Variants in MLLT3 observed in about 807,000 individuals in gnomAD.
MLLT3 encodes protein AF-9.
MLLT3 carries 4 observed loss-of-function variants against 53.2 expected under a neutral mutation model. The ratio of observed to expected loss-of-function variants is 0.08; its 90% confidence interval spans 0.04 to 0.17. The LOEUF (loss-of-function observed/expected upper bound fraction) is 0.17. Ranked by LOEUF, MLLT3 falls within the 10% of genes least tolerant of loss-of-function variation. The pLI is 1.00. For missense variants in MLLT3, 569 were observed against 684.0 expected (o/e 0.83, Z 1.87); for synonymous variants, 283 against 230.6 (o/e 1.23, Z -2.06).
At chr9:20,580,801 T>G (rs1049475836) in intron 2 of MLLT3, among the ~76,000 whole-genome samples, 1 of 152,252 alleles carries the variant, frequency 6.6e-6, no homozygotes, top group Non-Finnish European at 1.5e-5. Context: ...AGCATTCTAA[T>G]CATACACAGC....
intron 2 of MLLT3, among the ~76,000 whole-genome samples, chr9:20,610,885 G>C (rs945655439): frequency 1.3e-5 from 2 of 151,990 alleles, no homozygotes; most frequent in African/African-American, 4.8e-5. Context: ...TCTTGAACTG[G>C]GTCAACATTT....
chr9:20,526,564 T>C (rs1818209956), intron 2 of MLLT3, among the ~76,000 whole-genome samples: 1 of 152,200 alleles, frequency 6.6e-6, no homozygotes, highest in South Asian at 2.1e-4. Flanking sequence ...ATGTAGATCA[T>C]TCTGTTGTAG....
intron 5 of MLLT3, among the ~76,000 whole-genome samples, chr9:20,388,998 G>A (rs1321665436): frequency 1.3e-5 from 2 of 152,158 alleles, no homozygotes; most frequent in Non-Finnish European, 2.9e-5. Context: ...AGTAGGATCA[G>A]AAAGTAATGT....
At chr9:20,596,810 T>C (rs1820281342) in intron 2 of MLLT3, among the ~76,000 whole-genome samples, 1 of 152,226 alleles carries the variant, frequency 6.6e-6, no homozygotes, top group Non-Finnish European at 1.5e-5. Context: ...TTAAATCAGC[T>C]TGTCAATTTA....
At chr9:20,506,295 C>A (rs775072246) in intron 2 of MLLT3, among the ~76,000 whole-genome samples, 1 of 152,126 alleles carries the variant, frequency 6.6e-6, no homozygotes, top group African/African-American at 2.4e-5. Context: ...CCCACCTCAG[C>A]CTCCCGAAGT....
intron 2 of MLLT3, among the ~76,000 whole-genome samples, chr9:20,610,705 G>T (rs1020504458): frequency 2.0e-5 from 3 of 152,094 alleles, no homozygotes; most frequent in Admixed American, 6.6e-5. Context: ...AACACAGGAG[G>T]AAAAAGAGAT....
At chr9:20,563,465 T>G (rs566338571) in intron 2 of MLLT3, among the ~76,000 whole-genome samples, 1 of 152,234 alleles carries the variant, frequency 6.6e-6, no homozygotes, top group East Asian at 1.9e-4. Context: ...TGACAGTCTA[T>G]TCAGACAAAC....
chr9:20,519,586 A>T (rs1165782384), intron 2 of MLLT3, among the ~76,000 whole-genome samples: 1 of 152,224 alleles, frequency 6.6e-6, no homozygotes, highest in African/African-American at 2.4e-5. Flanking sequence ...GCCAACAATC[A>T]TATGAAAAAA....
At chr9:20,415,074 T>G (rs1245480812) in intron 4 of MLLT3, among the ~76,000 whole-genome samples, 1 of 152,154 alleles carries the variant, frequency 6.6e-6, no homozygotes, top group African/African-American at 2.4e-5. Context: ...TCAGATTACA[T>G]TAAATTTCAA....
chr9:20,360,640 G>A (rs1386347371), intron 8 of MLLT3, 102 bp downstream of exon 8: 3 of 917,192 alleles, frequency 3.3e-6, no homozygotes, highest in South Asian at 2.8e-5. Context: ...GGCATCAAGA[G>A]GAAGTTTGTT....
chr9:20,543,957 T>TG (rs35079659), intron 2 of MLLT3, among the ~76,000 whole-genome samples: 74,432 of 151,522 alleles, frequency 0.49, 18,518 homozygotes, highest in East Asian at 0.66. Flanking sequence ...AAAACAAGAT[T>TG]CCCCTACAAC....
chr9:20,600,870 C>A (rs1232443157), intron 2 of MLLT3, among the ~76,000 whole-genome samples: 2 of 152,096 alleles, frequency 1.3e-5, no homozygotes, highest in South Asian at 4.1e-4. Context: ...GAATCAGAAT[C>A]CAATGGGAAA....
At position 20,622,240 on chromosome 9, in the gene MLLT3, C is replaced by T. The variant is rs998587014; in HGVS notation, c.12+5G>A. 1 of 1,602,164 alleles carries T rather than the reference C, an allele frequency of 6.2e-7. No homozygotes were observed. The highest frequency in any genetic ancestry group is 8.5e-7 in the Non-Finnish European group (1 of 1,173,872). ...GCTTTTATTATTATTTTTGCGCGTACTTACCGAGCTAGCCATGCCTGGGGG... is the reference window on the plus strand; with the variant it reads ...GCTTTTATTATTATTTTTGCGCGTATTTACCGAGCTAGCCATGCCTGGGGG... On this transcript the variant is annotated splice_donor_5th_base_variant and intron_variant, in intron 1 of 10. Coordinates refer to ENST00000380338, the MANE Select transcript of MLLT3 (RefSeq NM_004529.4).
At chr9:20,593,555 T>C (rs1167120753) in intron 2 of MLLT3, among the ~76,000 whole-genome samples, 1 of 152,208 alleles carries the variant, frequency 6.6e-6, no homozygotes, top group East Asian at 1.9e-4. Flanking sequence ...AATAGGACAC[T>C]GGAGAGAGAA....
At chr9:20,457,883 T>G (rs913509657) in intron 2 of MLLT3, among the ~76,000 whole-genome samples, 3 of 152,186 alleles carry the variant, frequency 2.0e-5, no homozygotes, top group Non-Finnish European at 4.4e-5. Context: ...TAGTTAAGAC[T>G]GCATTTTGGT....
chr9:20,465,677 G>C lies in MLLT3; in HGVS notation c.194-8891C>G, dbSNP rs1460404794. The stretch of plus-strand genomic sequence containing the variant: ...TTGCTTTATTCCCTTTTCCAGGACA[G>C]GATCCAAAATTGTCCTAACTTCAGA... On this transcript the variant is annotated intron_variant, in intron 2 of 10. Coordinates refer to ENST00000380338, the MANE Select transcript of MLLT3 (RefSeq NM_004529.4). Among the ~76,000 whole-genome samples the C allele has an allele frequency of 2.0e-5, 3 of 152,086 alleles. No homozygotes were observed. In the East Asian group the frequency reaches 5.8e-4, roughly 29 times the overall value.
At chr9:20,466,958 G>A (rs1241827681) in intron 2 of MLLT3, among the ~76,000 whole-genome samples, 1 of 152,094 alleles carries the variant, frequency 6.6e-6, no homozygotes, top group African/African-American at 2.4e-5. Context: ...AAATTCTAAT[G>A]AGCAGTAATG....
intron 3 of MLLT3, among the ~76,000 whole-genome samples, chr9:20,450,156 C>G (rs1823804654): frequency 6.6e-6 from 1 of 152,178 alleles, no homozygotes; most frequent in Admixed American, 6.5e-5. Flanking sequence ...AAAAATCATT[C>G]CCAACTGTTA....
chr9:20,488,405 T>C (rs1351232843), intron 2 of MLLT3, among the ~76,000 whole-genome samples: 1 of 152,066 alleles, frequency 6.6e-6, no homozygotes, highest in Non-Finnish European at 1.5e-5. Flanking sequence ...AAAAAACTAA[T>C]AATCAAACTG....
Sources: allele counts gnomAD v4.1 joint callset (sites outside exome capture counted in the v4.1 genomes callset), GRCh38; gene constraint gnomAD v4.1.1; transcripts MANE v1.5; gene names NCBI Gene and HGNC (gene_info 2026-07-23, HGNC 2026-07-21).